The following NR5A2 variants were observed in gnomAD, a reference collection of about 807,000 sequenced individuals.
NR5A2 encodes CYP7A promoter-binding factor.
A neutral mutation model predicts 62.7 loss-of-function variants in NR5A2; 26 were observed. That is an observed-to-expected ratio of 0.41 (90% CI 0.30 to 0.58). The LOEUF (loss-of-function observed/expected upper bound fraction) is 0.58. NR5A2 is among the 20% of genes least tolerant of loss of function. The pLI, the probability that NR5A2 is intolerant of heterozygous loss-of-function variation, is 0.22. For missense variants in NR5A2, 541 were observed against 669.1 expected (o/e 0.81, Z 2.11); for synonymous variants, 246 against 241.7 (o/e 1.02, Z -0.16).
At chr1:200,133,313 T>G (rs1327469506) in intron 7 of NR5A2, among the ~76,000 whole-genome samples, 1 of 151,950 alleles carries the variant, frequency 6.6e-6, no homozygotes, top group African/African-American at 2.4e-5. Flanking sequence ...ACTCACACTT[T>G]GACTCTCTCC....
chr1:200,120,789 CTG>C lies in NR5A2; in HGVS notation c.1231-16_1231-15del, dbSNP rs773049539. 2.0e-6 allele frequency: 3 copies of C among 1,520,076 alleles called. No individual in the cohort carries two copies. Among genetic ancestry groups the C allele is most frequent in the East Asian group, 2.3e-5 (1 of 42,612 alleles). The allele number at this position is 1,520,076 out of a possible 1,614,324, so 94.2% of individuals were successfully genotyped here. A position where few individuals can be genotyped will look rare whatever the true frequency, so the allele number is the denominator to read the frequency against. Reference sequence around the variant, plus strand: ...TTGCTGATTCTGATAGTCCTTAAAACTGTGATTCTGTATTGCAGGTGGACTAT... The same window carrying C: ...TTGCTGATTCTGATAGTCCTTAAAACTGATTCTGTATTGCAGGTGGACTAT... On this transcript the variant is annotated splice_polypyrimidine_tract_variant and intron_variant, in intron 6 of 7. Transcript: ENST00000367362.
intron 1 of NR5A2, among the ~76,000 whole-genome samples, chr1:200,035,402 G>A (rs999049908): frequency 6.6e-6 from 1 of 152,082 alleles, no homozygotes; most frequent in Non-Finnish European, 1.5e-5. Context: ...AACTTGAACC[G>A]CTCCTGAAAA....
At chr1:200,160,030 T>C (rs1449816269) in intron 7 of NR5A2, among the ~76,000 whole-genome samples, 1 of 152,174 alleles carries the variant, frequency 6.6e-6, no homozygotes, top group African/African-American at 2.4e-5. Flanking sequence ...CCCTCCTCAC[T>C]GTCATCCATG....
Position 200,027,919 on chromosome 1 carries a change from G to C in NR5A2, c.64+8G>C, listed in dbSNP as rs752421107. ...ACGGACTTACACCTATTGGTAAGTAGGAGTTTCTCTATTGATCATCTATTT... is the reference window on the plus strand; with the variant it reads ...ACGGACTTACACCTATTGGTAAGTACGAGTTTCTCTATTGATCATCTATTT... On this transcript the variant is annotated splice_region_variant and intron_variant, in intron 1 of 7. Transcript: ENST00000367362. 6.4e-7 allele frequency: 1 copy of C among 1,561,256 alleles called. No individual in the cohort carries two copies. The highest frequency in any genetic ancestry group is 8.7e-7 in the Non-Finnish European group (1 of 1,145,354).
rs188711377 is a variant in NR5A2, at chr1:200,055,599, G to A, written c.1110+6781G>A. 4.8e-3 allele frequency among the ~76,000 whole-genome samples: 735 copies of A among 152,252 alleles called. 5 individuals carry two copies. Among genetic ancestry groups the A allele is most frequent in the Non-Finnish European group, 6.4e-3 (432 of 68,024 alleles). ...TTCTTTGCCTTCTCCTGAGAGTTGG[G>A]GTCAGGAATCATGGGTCCAACACGA... On this transcript the variant is annotated intron_variant, in intron 5 of 7. Transcript: ENST00000367362.
chr1:200,040,785 C>T (rs554279588), intron 2 of NR5A2, among the ~76,000 whole-genome samples: 2 of 152,222 alleles, frequency 1.3e-5, no homozygotes, highest in African/African-American at 4.8e-5. Flanking sequence ...GTGCACTCTG[C>T]GGTGCTGAGT....
chr1:200,133,651 T>TA (rs1667089733), intron 7 of NR5A2, among the ~76,000 whole-genome samples: 1 of 150,336 alleles, frequency 6.7e-6, no homozygotes, highest in Non-Finnish European at 1.5e-5. Context: ...ATATACATTA[T>TA]ATATATATGG....
In NR5A2 at chr1:200,037,548, G is replaced by A. The variant is rs575567405; in HGVS notation, c.65-2110G>A. On this transcript the variant is annotated intron_variant, in intron 1 of 7. Transcript: ENST00000367362. ...AGCAAAGCAGGGCAACCACTGCAGT[G>A]AGCCCTGAAACTGACTCCCTTTCTT... Among the ~76,000 whole-genome samples, 20 of 152,310 alleles carry A rather than the reference G, an allele frequency of 1.3e-4. No homozygotes were observed. In the South Asian group the frequency reaches 3.9e-3, roughly 30 times the overall value.
intron 5 of NR5A2, among the ~76,000 whole-genome samples, chr1:200,066,767 T>C (rs781193216): frequency 3.7e-4 from 56 of 152,020 alleles, no homozygotes; most frequent in Non-Finnish European, 7.2e-4. Flanking sequence ...TTTGTATTTT[T>C]AGTAGAGACA....
chr1:200,030,183 G>C (rs1332924828), intron 1 of NR5A2, among the ~76,000 whole-genome samples: 1 of 152,188 alleles, frequency 6.6e-6, no homozygotes, highest in Non-Finnish European at 1.5e-5. Context: ...GTTGGGCTGT[G>C]TTGAGTGGTT....
intron 7 of NR5A2, among the ~76,000 whole-genome samples, chr1:200,162,597 G>T (rs369229981): frequency 2.5e-4 from 38 of 152,272 alleles, no homozygotes; most frequent in African/African-American, 5.3e-4. Context: ...TTTGGAGGCG[G>T]GGACAATATT....
chr1:200,107,303 C>T (rs201950177), intron 5 of NR5A2, among the ~76,000 whole-genome samples: 4 of 146,136 alleles, frequency 2.7e-5, no homozygotes, highest in Non-Finnish European at 3.0e-5. Flanking sequence ...TATTAAGTGG[C>T]TTTTTTTTTT....
chr1:200,114,114 C>T (rs1666096108), intron 6 of NR5A2, among the ~76,000 whole-genome samples: 1 of 151,934 alleles, frequency 6.6e-6, no homozygotes, highest in African/African-American at 2.4e-5. Flanking sequence ...ACCCGGGAGG[C>T]AGAGGCTACA....
In NR5A2 at chr1:200,120,945, CTTTAG is replaced by C; in HGVS notation, c.1374_1378del (p.Ser458ArgfsTer6). On this transcript the variant is annotated frameshift_variant, in exon 7 of 8. Coordinates refer to ENST00000367362, the MANE Select transcript of NR5A2 (RefSeq NM_205860.3). LOFTEE classifies it high-confidence loss of function. ...TCGTATGTCTGAAATTCTTGGTGCT[CTTTAG>C]TTTAGGTAAGAAATCCTTTTCTCAT... 4 of 1,613,796 alleles carry C rather than the reference CTTTAG, an allele frequency of 2.5e-6. No homozygotes were observed. Among genetic ancestry groups the C allele is most frequent in the Non-Finnish European group, 3.4e-6 (4 of 1,179,900 alleles).
intron 5 of NR5A2, among the ~76,000 whole-genome samples, chr1:200,063,319 C>T (rs1028389203): frequency 2.6e-5 from 4 of 151,882 alleles, no homozygotes; most frequent in Non-Finnish European, 4.4e-5. Context: ...CCACCGCACC[C>T]GGCCTAATTT....
chr1:200,076,778 AAACATT>A (rs1341167137), intron 5 of NR5A2, among the ~76,000 whole-genome samples: 13 of 152,208 alleles, frequency 8.5e-5, no homozygotes, highest in African/African-American at 3.1e-4. Context: ...AATTCAAAAT[AAACATT>A]AAGTAGAAAC....
At chr1:200,123,175 G>A (rs1004019867) in intron 7 of NR5A2, among the ~76,000 whole-genome samples, 3 of 152,110 alleles carry the variant, frequency 2.0e-5, no homozygotes, top group African/African-American at 7.2e-5. Context: ...AGACTCTTTG[G>A]TCCTGGAGAA....
intron 7 of NR5A2, 140 bp from the exon 8 acceptor site, chr1:200,173,823 G>T: frequency 1.2e-6 from 1 of 866,932 alleles, no homozygotes. Flanking sequence ...GGTGAGTGGG[G>T]TTTACTGAAT....
intron 5 of NR5A2, among the ~76,000 whole-genome samples, chr1:200,068,880 GA>G (rs796657412): frequency 2.6e-4 from 39 of 152,280 alleles, no homozygotes; most frequent in African/African-American, 9.1e-4. Context: ...GGTAAAATAG[GA>G]TTTAAGTCTA....
Sources: allele counts gnomAD v4.1 joint callset (sites outside exome capture counted in the v4.1 genomes callset), GRCh38; gene constraint gnomAD v4.1.1; transcripts MANE v1.5; gene names NCBI Gene and HGNC (gene_info 2026-07-23, HGNC 2026-07-21).